Variants in PDE1A observed in about 807,000 individuals in gnomAD.
The protein encoded by PDE1A is phosphodiesterase 1A.
In PDE1A, 35 loss-of-function variants were observed where a neutral mutation model predicts 61.7. The observed-to-expected ratio is 0.57, with a 90% confidence interval of 0.43 to 0.75. PDE1A has a LOEUF of 0.75. PDE1A is among the 30% of genes least tolerant of loss of function. PDE1A has a pLI of 0.00. For missense variants in PDE1A, 597 were observed against 630.6 expected, an observed-to-expected ratio of 0.95 and a Z score of 0.57; for synonymous variants, 232 against 213.2, an observed-to-expected ratio of 1.09 and a Z score of -0.77.
intron 1 of PDE1A, among the ~76,000 whole-genome samples, chr2:182,415,007 T>G (rs1206171655): frequency 6.6e-6 from 1 of 152,138 alleles, no homozygotes; most frequent in East Asian, 1.9e-4. Context: ...TTTTCCATTT[T>G]TTAAGTAAGC....
intron 13 of PDE1A, among the ~76,000 whole-genome samples, chr2:182,178,607 T>C (rs3769802): frequency 0.23 from 34,283 of 151,866 alleles, 4,347 homozygotes; most frequent in African/African-American, 0.33. Flanking sequence ...AAGATCTTTG[T>C]CATGTTCCCT....
upstream of PDE1A, among the ~76,000 whole-genome samples, chr2:182,428,867 G>C (rs954583473): frequency 2.6e-5 from 4 of 152,040 alleles, no homozygotes; most frequent in Admixed American, 2.6e-4. Flanking sequence ...AATTGGAAAT[G>C]TGAGACAATT....
chr2:182,180,970 C>G (rs918837856), intron 13 of PDE1A, among the ~76,000 whole-genome samples: 11 of 151,928 alleles, frequency 7.2e-5, no homozygotes, highest in Non-Finnish European at 1.3e-4. Flanking sequence ...ACTGGTTATT[C>G]TAGTTAGCAG....
intron 4 of PDE1A, among the ~76,000 whole-genome samples, chr2:182,233,294 G>C (rs1257251587): frequency 6.6e-6 from 1 of 152,146 alleles, no homozygotes; most frequent in East Asian, 1.9e-4. Flanking sequence ...TCTACAGACT[G>C]AGTTGGGGTT....
chr2:182,362,179 C>T (rs1201501798), intron 1 of PDE1A, among the ~76,000 whole-genome samples: 1 of 151,910 alleles, frequency 6.6e-6, no homozygotes, highest in Admixed American at 6.6e-5. Context: ...GCAAGAAGAA[C>T]ATGTATTCAT....
intron 1 of PDE1A, among the ~76,000 whole-genome samples, chr2:182,290,830 A>C (rs748629369): frequency 6.6e-6 from 1 of 151,922 alleles, no homozygotes; most frequent in Non-Finnish European, 1.5e-5. Flanking sequence ...CTCTATTTAG[A>C]ATTTTAACCA....
chr2:182,368,319 G>A (rs1004799978), intron 1 of PDE1A, among the ~76,000 whole-genome samples: 2 of 151,480 alleles, frequency 1.3e-5, no homozygotes, highest in African/African-American at 4.9e-5. Context: ...AGTTTCTTAA[G>A]TCCAGAACAC....
At chr2:182,523,385 A>G (rs1028675328), upstream of PDE1A, among the ~76,000 whole-genome samples, 12 of 152,118 alleles carry the variant, frequency 7.9e-5, no homozygotes, top group Non-Finnish European at 1.0e-4. Flanking sequence ...GAGAGTGGAC[A>G]TAAAAGGAAT....
At chr2:182,548,885 T>C in the PDE1A span, among the ~76,000 whole-genome samples, 1 of 152,192 alleles carries the variant, frequency 6.6e-6, no homozygotes, top group Non-Finnish European at 1.5e-5. Flanking sequence ...CTAAAGAATG[T>C]TCCATGTGGA....
the PDE1A span, among the ~76,000 whole-genome samples, chr2:182,601,990 T>C: frequency 6.6e-6 from 1 of 152,160 alleles, no homozygotes; most frequent in Admixed American, 6.5e-5. Flanking sequence ...CTTCAGGCCC[T>C]CCCTGTCCTA....
chr2:182,193,482 C>T (rs539639441), intron 10 of PDE1A, among the ~76,000 whole-genome samples: 1 of 152,050 alleles, frequency 6.6e-6, no homozygotes, highest in East Asian at 1.9e-4. Context: ...CATTCTAAGG[C>T]TGAGGGTGAA....
At chr2:182,163,921 T>C (rs1370769085), downstream of PDE1A, among the ~76,000 whole-genome samples, 2 of 152,168 alleles carry the variant, frequency 1.3e-5, no homozygotes, top group East Asian at 3.9e-4. Context: ...GGCAGGGCCC[T>C]ACAGGTGAAT....
intron 13 of PDE1A, among the ~76,000 whole-genome samples, chr2:182,161,967 G>A (rs566541639): frequency 6.6e-6 from 1 of 152,110 alleles, no homozygotes; most frequent in Non-Finnish European, 1.5e-5. Context: ...GGGGATGCCT[G>A]ATCTACCTTG....
the PDE1A span, among the ~76,000 whole-genome samples, chr2:182,660,426 G>A: frequency 6.6e-5 from 10 of 152,118 alleles, no homozygotes; most frequent in African/African-American, 2.4e-4. Context: ...CTATTCCCTT[G>A]TGTGTGGGGA....
the PDE1A span, among the ~76,000 whole-genome samples, chr2:182,609,832 TA>T: frequency 1.6e-5 from 1 of 63,410 alleles, no homozygotes; most frequent in African/African-American, 3.9e-5. Flanking sequence ...TTCATGCCTG[TA>T]ATCCCAGCAC....
intron 3 of PDE1A, 139 bp from the exon 4 acceptor site, chr2:182,234,637 T>C: frequency 3.3e-6 from 2 of 598,346 alleles, no homozygotes; most frequent in Non-Finnish European, 6.0e-6. Flanking sequence ...GTGTCAATAA[T>C]GATAACTATA....
intron 1 of PDE1A, among the ~76,000 whole-genome samples, chr2:182,284,069 G>A (rs775309645): frequency 2.6e-5 from 4 of 152,052 alleles, no homozygotes; most frequent in African/African-American, 9.7e-5. Flanking sequence ...TGACCTGGCA[G>A]CCCTTACCTG....
the PDE1A span, among the ~76,000 whole-genome samples, chr2:182,575,722 T>TAG: frequency 3.8e-3 from 553 of 145,854 alleles, 3 homozygotes; most frequent in African/African-American, 0.013. Flanking sequence ...TATATATATA[T>TAG]AGATATATAT....
At chr2:182,507,939 G>C (rs1689516942) in intron 2 of PDE1A, among the ~76,000 whole-genome samples, 1 of 151,866 alleles carries the variant, frequency 6.6e-6, no homozygotes, top group Non-Finnish European at 1.5e-5. Flanking sequence ...TTCTGTTTGG[G>C]AAGTAAGGCA....
Sources: gnomAD v4.1 joint callset for allele counts (sites outside exome capture counted in the v4.1 genomes callset) on GRCh38, gnomAD v4.1.1 for gene constraint, MANE v1.5 for transcripts, NCBI Gene and HGNC (gene_info 2026-07-23, HGNC 2026-07-21) for gene names.